The following EDN1 variants were observed in gnomAD, a reference collection of about 807,000 sequenced individuals.
The protein encoded by EDN1 is endothelin-1.
A neutral mutation model predicts 21.7 loss-of-function variants in EDN1; 11 were observed. The ratio of observed to expected loss-of-function variants is 0.51; its 90% confidence interval spans 0.32 to 0.84. EDN1 has a LOEUF of 0.84. Ranked by LOEUF, EDN1 falls within the 40% of genes least tolerant of loss-of-function variation. The pLI is 0.03. For synonymous variants in EDN1, 85 were observed against 90.6 expected (o/e 0.94, Z 0.35); for missense variants, 244 against 262.3 (o/e 0.93, Z 0.48).
the EDN1 span, among the ~76,000 whole-genome samples, chr6:12,275,959 G>T: frequency 2.3e-3 from 350 of 152,112 alleles, 3 homozygotes; most frequent in African/African-American, 7.8e-3. Context: ...TCAGGAGATC[G>T]AGACCATCCT....
the EDN1 span, among the ~76,000 whole-genome samples, chr6:12,247,805 C>T: frequency 2.0e-5 from 3 of 151,996 alleles, no homozygotes; most frequent in Admixed American, 6.6e-5. Flanking sequence ...TCCCAAAGTG[C>T]TGGGATTACA....
At chr6:12,274,653 C>T in the EDN1 span, among the ~76,000 whole-genome samples, 1 of 152,206 alleles carries the variant, frequency 6.6e-6, no homozygotes, top group Non-Finnish European at 1.5e-5. Flanking sequence ...GAATCATCTA[C>T]ACACCTACTT....
At chr6:12,247,267 C>CT in the EDN1 span, among the ~76,000 whole-genome samples, 1 of 151,576 alleles carries the variant, frequency 6.6e-6, no homozygotes, top group East Asian at 1.9e-4. Context: ...GAAGTTTGCG[C>CT]TAAGTGAACC....
the EDN1 span, among the ~76,000 whole-genome samples, chr6:12,245,278 A>G: frequency 2.0e-5 from 3 of 152,138 alleles, no homozygotes; most frequent in African/African-American, 4.8e-5. Context: ...GGAAACTGAG[A>G]AAAAAATGAC....
the EDN1 span, among the ~76,000 whole-genome samples, chr6:12,284,744 GAAGGAAGAAAGAAAGAAAGA>G: frequency 4.4e-5 from 3 of 68,764 alleles, no homozygotes; most frequent in African/African-American, 1.2e-4. Flanking sequence ...AGGAAGGAAG[GAAGGAAGAAAGAAAGAAAGA>G]AAGAAAGAAA....
At chr6:12,294,920 C>CTTTTTTTTTTTTTTT (rs61701314) in intron 4 of EDN1, among the ~76,000 whole-genome samples, 4 of 107,634 alleles carry the variant, frequency 3.7e-5, no homozygotes, top group African/African-American at 1.4e-4. Flanking sequence ...GGTTTATGGT[C>CTTTTTTTTTTTTTTT]TTTTTTTTTT....
chr6:12,284,847 G>T, the EDN1 span, among the ~76,000 whole-genome samples: 2 of 152,114 alleles, frequency 1.3e-5, no homozygotes, highest in Non-Finnish European at 1.5e-5. Context: ...TCCAGAATTA[G>T]TTCCTTTTAG....
chr6:12,276,514 A>T, the EDN1 span, among the ~76,000 whole-genome samples: 1 of 152,216 alleles, frequency 6.6e-6, no homozygotes, highest in African/African-American at 2.4e-5. Flanking sequence ...GGTGATTTTA[A>T]TTGGGTGTAA....
At chr6:12,247,536 CTTTTTTTTTTT>C in the EDN1 span, among the ~76,000 whole-genome samples, 3 of 97,752 alleles carry the variant, frequency 3.1e-5, no homozygotes, top group African/African-American at 4.2e-5. Flanking sequence ...TTCTTTCTTT[CTTTTTTTTTTT>C]TTTTTTTTTT....
chr6:12,272,135 A>G, the EDN1 span, among the ~76,000 whole-genome samples: 1 of 152,360 alleles, frequency 6.6e-6, no homozygotes, highest in East Asian at 1.9e-4. Context: ...TAAGGCTACC[A>G]TAATGTAAGG....
chr6:12,287,497 G>T (rs1439878144), upstream of EDN1, among the ~76,000 whole-genome samples: 1 of 152,052 alleles, frequency 6.6e-6, no homozygotes, highest in South Asian at 2.1e-4. Context: ...GCCTGGCAGT[G>T]CCCTAGCTGC....
the EDN1 span, among the ~76,000 whole-genome samples, chr6:12,271,521 G>T: frequency 1.3e-5 from 2 of 152,050 alleles, no homozygotes; most frequent in Non-Finnish European, 2.9e-5. Context: ...TTTATATTGT[G>T]TGTTCCCTAA....
chr6:12,276,925 A>G, the EDN1 span, among the ~76,000 whole-genome samples: 1 of 152,222 alleles, frequency 6.6e-6, no homozygotes, highest in Non-Finnish European at 1.5e-5. Context: ...AACATTTTGA[A>G]TATAGACATA....
chr6:12,252,277 C>G, the EDN1 span, among the ~76,000 whole-genome samples: 1 of 152,282 alleles, frequency 6.6e-6, no homozygotes, highest in Admixed American at 6.5e-5. Context: ...TAATAGGACT[C>G]TGTTGCTACT....
chr6:12,287,217 C>A, upstream of EDN1, among the ~76,000 whole-genome samples: 1 of 151,936 alleles, frequency 6.6e-6, no homozygotes, highest in East Asian at 1.9e-4. Context: ...TCTCTCCCTT[C>A]CTTCCCTTCC....
At chr6:12,230,668 A>G in the EDN1 span, among the ~76,000 whole-genome samples, 1 of 152,076 alleles carries the variant, frequency 6.6e-6, no homozygotes, top group Non-Finnish European at 1.5e-5. Flanking sequence ...ACCTTGTTTG[A>G]CCTCAGGTAG....
At chr6:12,243,568 G>A in the EDN1 span, among the ~76,000 whole-genome samples, 9 of 152,180 alleles carry the variant, frequency 5.9e-5, no homozygotes, top group African/African-American at 1.9e-4. Flanking sequence ...TCAACCCAAT[G>A]TCTATACTGG....
the EDN1 span, among the ~76,000 whole-genome samples, chr6:12,242,304 G>C: frequency 6.6e-6 from 1 of 152,190 alleles, no homozygotes; most frequent in Non-Finnish European, 1.5e-5. Flanking sequence ...AGAGAGATTT[G>C]ACTCGCCTGA....
chr6:12,252,680 T>C, the EDN1 span, among the ~76,000 whole-genome samples: 1 of 152,184 alleles, frequency 6.6e-6, no homozygotes, highest in East Asian at 1.9e-4. Flanking sequence ...AATTTGGGAT[T>C]GACAGAAAAG....
Sources: gnomAD v4.1 joint callset for allele counts (sites outside exome capture counted in the v4.1 genomes callset) on GRCh38, gnomAD v4.1.1 for gene constraint, MANE v1.5 for transcripts, NCBI Gene and HGNC (gene_info 2026-07-23, HGNC 2026-07-21) for gene names.